Variants in SGCZ observed in about 807,000 individuals in gnomAD.
The protein encoded by SGCZ is zeta-sarcoglycan.
SGCZ carries 40 observed loss-of-function variants against 41.3 expected under a neutral mutation model. The observed-to-expected ratio is 0.97, with a 90% CI of 0.75 to 1.26. The LOEUF is 1.26. Ranked by LOEUF, SGCZ falls within the 50% of genes most tolerant of loss-of-function variation. The pLI is 0.00. For missense variants in SGCZ, 552 were observed against 369.8 expected, an observed-to-expected ratio of 1.49 and a Z score of -4.04; for synonymous variants, 206 against 137.5, an observed-to-expected ratio of 1.50 and a Z score of -3.49.
At chr8:14,943,717 C>G (rs1179618478) in intron 1 of SGCZ, among the ~76,000 whole-genome samples, 1 of 152,060 alleles carries the variant, frequency 6.6e-6, no homozygotes, top group African/African-American at 2.4e-5. Context: ...TTTTTTAATC[C>G]TCTCCCATCT....
In SGCZ at chr8:14,431,526, T is replaced by C. The variant is rs1001926985; in HGVS notation, c.235-107322A>G. On this transcript the variant is annotated intron_variant, in intron 2 of 7. Coordinates refer to ENST00000382080, the MANE Select transcript of SGCZ (RefSeq NM_139167.4). ...AACTGGATCTTCACCTCTCACCTTA[T>C]ACAAAAATCAACTCAAGATGGATCA... 3.9e-5 allele frequency among the ~76,000 whole-genome samples: 6 copies of C among 152,158 alleles called. No individual in the cohort carries two copies. In the East Asian group the frequency reaches 9.6e-4, roughly 24 times the overall value.
intron 4 of SGCZ, among the ~76,000 whole-genome samples, chr8:14,213,990 C>G (rs62492325): frequency 0.24 from 36,186 of 151,816 alleles, 5,535 homozygotes; most frequent in Non-Finnish European, 0.34. Context: ...GCAAGTTCAA[C>G]ATGTTAACTT....
chr8:14,531,292 G>C (rs1027067810), intron 2 of SGCZ, among the ~76,000 whole-genome samples: 4 of 151,556 alleles, frequency 2.6e-5, no homozygotes, highest in African/African-American at 9.7e-5. Context: ...GTCCCCTCTC[G>C]GTGCTGAGAG....
intron 1 of SGCZ, among the ~76,000 whole-genome samples, chr8:15,010,906 A>G (rs1802803707): frequency 6.6e-6 from 1 of 152,138 alleles, no homozygotes; most frequent in African/African-American, 2.4e-5. Context: ...TAATCCTTCA[A>G]ACTTTAGATC....
intron 5 of SGCZ, among the ~76,000 whole-genome samples, chr8:14,159,243 T>C (rs943588339): frequency 6.6e-6 from 1 of 152,190 alleles, no homozygotes; most frequent in Non-Finnish European, 1.5e-5. Context: ...ATATAACCAC[T>C]TTTTTGGTGG....
At chr8:14,123,638 A>G (rs1802765941) in intron 5 of SGCZ, among the ~76,000 whole-genome samples, 1 of 152,120 alleles carries the variant, frequency 6.6e-6, no homozygotes. Context: ...GTAGGAAACT[A>G]TTGCTTCTAT....
At chr8:15,081,188 G>C (rs767910702) in intron 1 of SGCZ, among the ~76,000 whole-genome samples, 6 of 152,084 alleles carry the variant, frequency 3.9e-5, no homozygotes, top group Non-Finnish European at 7.4e-5. Flanking sequence ...ATTTTTTTAG[G>C]TCTATGGTGG....
At chr8:14,865,918 T>A (rs754229352) in intron 1 of SGCZ, among the ~76,000 whole-genome samples, 3 of 152,114 alleles carry the variant, frequency 2.0e-5, no homozygotes, top group Non-Finnish European at 2.9e-5. Context: ...AACGACACCT[T>A]GGGGACCCCT....
intron 1 of SGCZ, among the ~76,000 whole-genome samples, chr8:14,586,907 T>C (rs926935365): frequency 6.6e-6 from 1 of 152,140 alleles, no homozygotes; most frequent in Admixed American, 6.6e-5. Context: ...TTCGTAGTGG[T>C]GATTACCTAG....
chr8:15,063,065 G>C (rs1056805121), intron 1 of SGCZ, among the ~76,000 whole-genome samples: 5 of 152,076 alleles, frequency 3.3e-5, no homozygotes, highest in South Asian at 2.1e-4. Flanking sequence ...TCTTTGGTTT[G>C]CCTAGTAAAA....
At chr8:14,769,524 G>A (rs1800159514) in intron 1 of SGCZ, among the ~76,000 whole-genome samples, 1 of 152,138 alleles carries the variant, frequency 6.6e-6, no homozygotes, top group Non-Finnish European at 1.5e-5. Flanking sequence ...AGGCGCGATG[G>A]CTCACGCCTG....
chr8:14,733,782 A>C (rs190733576), intron 1 of SGCZ, among the ~76,000 whole-genome samples: 1 of 152,348 alleles, frequency 6.6e-6, no homozygotes, highest in Admixed American at 6.5e-5. Flanking sequence ...CACAGACCTC[A>C]GGGTTAATTT....
At chr8:15,236,828 G>T (rs1181398182) in intron 1 of SGCZ, among the ~76,000 whole-genome samples, 2 of 152,000 alleles carry the variant, frequency 1.3e-5, no homozygotes, top group African/African-American at 2.4e-5. Context: ...CGGAGCGGCG[G>T]GGGGCTCCAG....
chr8:15,155,233 T>A (rs562509627), intron 1 of SGCZ, among the ~76,000 whole-genome samples: 43 of 152,260 alleles, frequency 2.8e-4, no homozygotes, highest in African/African-American at 9.4e-4. Context: ...AGGCAGAGGT[T>A]GCAGTGAGCT....
chr8:14,238,347 T>C (rs1001813375), intron 3 of SGCZ, among the ~76,000 whole-genome samples: 5 of 152,200 alleles, frequency 3.3e-5, no homozygotes, highest in Non-Finnish European at 5.9e-5. Flanking sequence ...AAGTGTTGAC[T>C]GAGTAGATAA....
intron 1 of SGCZ, among the ~76,000 whole-genome samples, chr8:15,077,197 C>G (rs905694524): frequency 1.3e-5 from 2 of 152,034 alleles, no homozygotes; most frequent in East Asian, 3.9e-4. Flanking sequence ...TCGACTTTAT[C>G]AGAAATAAGC....
intron 2 of SGCZ, among the ~76,000 whole-genome samples, chr8:14,452,487 AAAT>A (rs924835957): frequency 6.6e-6 from 1 of 151,908 alleles, no homozygotes; most frequent in Admixed American, 6.6e-5. Flanking sequence ...GATCTCAAAA[AAAT>A]AATAATAATA....
chr8:14,231,194 T>TGTGTGTGTGTGTGC (rs1806555304), intron 4 of SGCZ, among the ~76,000 whole-genome samples: 2 of 149,662 alleles, frequency 1.3e-5, no homozygotes, highest in East Asian at 3.9e-4. Context: ...TGTGTGTGTG[T>TGTGTGTGTGTGTGC]GTAGTGGGGA....
chr8:14,687,529 A>C (rs946082218), intron 1 of SGCZ, among the ~76,000 whole-genome samples: 29 of 151,646 alleles, frequency 1.9e-4, no homozygotes, highest in Admixed American at 7.2e-4. Flanking sequence ...TGAACTCATC[A>C]TTTTTTATGG....
Sources: allele counts gnomAD v4.1 joint callset (sites outside exome capture counted in the v4.1 genomes callset), GRCh38; gene constraint gnomAD v4.1.1; transcripts MANE v1.5; gene names NCBI Gene and HGNC (gene_info 2026-07-23, HGNC 2026-07-21).